CDH9: variants seen among roughly 807,000 people sequenced by gnomAD.
CDH9 encodes cadherin-9.
Under a neutral mutation model 70.9 loss-of-function variants are expected in CDH9, and 28 were observed. That is an observed-to-expected ratio of 0.40 (90% CI 0.29 to 0.54). The LOEUF (loss-of-function observed/expected upper bound fraction) is 0.54. Among genes scored for constraint, CDH9 ranks in the 20% least tolerant of loss-of-function variants. The probability of loss-of-function intolerance (pLI) is 0.59; values close to 1 mark genes in which losing one functional copy is unlikely to be tolerated. For synonymous variants in CDH9, 409 were observed against 343.1 expected, an observed-to-expected ratio of 1.19 and a Z score of -2.12; for missense variants, 874 against 984.4, an observed-to-expected ratio of 0.89 and a Z score of 1.50.
chr5:26,886,938 C>T (rs532212124), intron 9 of CDH9, among the ~76,000 whole-genome samples: 2 of 152,246 alleles, frequency 1.3e-5, no homozygotes, highest in South Asian at 2.1e-4. Context: ...TTTTAACGTT[C>T]TCTTCTACAA....
chr5:27,018,224 A>T (rs1743078993), intron 1 of CDH9, among the ~76,000 whole-genome samples: 1 of 151,992 alleles, frequency 6.6e-6, no homozygotes, highest in East Asian at 1.9e-4. Flanking sequence ...TTAAGCTCCT[A>T]TTTACATATG....
chr5:26,996,104 A>C (rs893453177), intron 1 of CDH9, among the ~76,000 whole-genome samples: 3 of 152,010 alleles, frequency 2.0e-5, no homozygotes, highest in African/African-American at 7.2e-5. Context: ...CTATACCTAC[A>C]CATATACACT....
chr5:26,978,582 C>CTT (rs35408093), intron 2 of CDH9, among the ~76,000 whole-genome samples: 19 of 150,098 alleles, frequency 1.3e-4, no homozygotes, highest in African/African-American at 3.4e-4. Context: ...ACAAAAATAA[C>CTT]TTTTTTTTTA....
At chr5:27,017,389 A>G (rs1412006348) in intron 1 of CDH9, among the ~76,000 whole-genome samples, 1 of 151,862 alleles carries the variant, frequency 6.6e-6, no homozygotes, top group Non-Finnish European at 1.5e-5. Context: ...AAAAATGTTC[A>G]AAGGGATTGC....
chr5:26,900,920 G>C (rs1049686436), intron 7 of CDH9, among the ~76,000 whole-genome samples: 1 of 151,848 alleles, frequency 6.6e-6, no homozygotes, highest in African/African-American at 2.4e-5. Flanking sequence ...TTCCATTTCA[G>C]TACTGCAGAA....
intron 7 of CDH9, among the ~76,000 whole-genome samples, chr5:26,898,269 A>G (rs1435310374): frequency 6.6e-6 from 1 of 152,170 alleles, no homozygotes; most frequent in Non-Finnish European, 1.5e-5. Flanking sequence ...TGTAGATTCA[A>G]TGCTATCCCC....
chr5:27,029,565 C>T (rs1379312058), intron 1 of CDH9, among the ~76,000 whole-genome samples: 1 of 151,970 alleles, frequency 6.6e-6, no homozygotes, highest in Non-Finnish European at 1.5e-5. Context: ...AGGTGCTCTT[C>T]CCAGCGCAGC....
At chr5:26,942,786 A>G (rs1387769054) in intron 2 of CDH9, among the ~76,000 whole-genome samples, 1 of 152,182 alleles carries the variant, frequency 6.6e-6, no homozygotes, top group Non-Finnish European at 1.5e-5. Context: ...ATAACCTCAC[A>G]TAAATGATCT....
At chr5:26,999,572 C>A (rs1742728479) in intron 1 of CDH9, among the ~76,000 whole-genome samples, 2 of 152,038 alleles carry the variant, frequency 1.3e-5, no homozygotes, top group Non-Finnish European at 2.9e-5. Flanking sequence ...GAATTAGACC[C>A]ACACAAATAC....
chr5:26,986,256 G>A (rs1257473332), intron 2 of CDH9, among the ~76,000 whole-genome samples: 3 of 151,734 alleles, frequency 2.0e-5, no homozygotes, highest in Non-Finnish European at 4.4e-5. Flanking sequence ...TCATAACCCC[G>A]TTGTCAAGAA....
At chr5:26,947,682 C>G (rs1432434836) in intron 2 of CDH9, among the ~76,000 whole-genome samples, 1 of 152,084 alleles carries the variant, frequency 6.6e-6, no homozygotes, top group South Asian at 2.1e-4. Flanking sequence ...CACCGTGAAG[C>G]TCTATTACGA....
At chr5:27,018,441 A>T (rs1191054543) in intron 1 of CDH9, among the ~76,000 whole-genome samples, 1 of 151,874 alleles carries the variant, frequency 6.6e-6, no homozygotes, top group Non-Finnish European at 1.5e-5. Context: ...ATTAACAAAA[A>T]GTACAGCATT....
chr5:26,995,214 T>C (rs1037541488), intron 1 of CDH9, among the ~76,000 whole-genome samples: 2 of 152,212 alleles, frequency 1.3e-5, no homozygotes, highest in Non-Finnish European at 2.9e-5. Context: ...AATTGGTTAA[T>C]TCATTAATGC....
At chr5:26,899,244 T>C (rs1023562876) in intron 7 of CDH9, among the ~76,000 whole-genome samples, 3 of 152,136 alleles carry the variant, frequency 2.0e-5, no homozygotes, top group Admixed American at 6.6e-5. Context: ...AGTTCAACCA[T>C]TGTAGAAGAC....
At chr5:26,943,304 G>A (rs1031801008) in intron 2 of CDH9, among the ~76,000 whole-genome samples, 2 of 152,030 alleles carry the variant, frequency 1.3e-5, no homozygotes, top group African/African-American at 2.4e-5. Flanking sequence ...CTGAGGTCGG[G>A]AGTTTGAGAC....
At chr5:26,894,421 C>T (rs1015684623) in intron 7 of CDH9, among the ~76,000 whole-genome samples, 7 of 152,110 alleles carry the variant, frequency 4.6e-5, no homozygotes, top group Admixed American at 2.0e-4. Flanking sequence ...TTCTGGCCAC[C>T]TTACTCTTAG....
intron 1 of CDH9, among the ~76,000 whole-genome samples, chr5:27,011,390 G>A (rs2112115452): frequency 6.6e-6 from 1 of 152,166 alleles, no homozygotes; most frequent in East Asian, 1.9e-4. Context: ...GAGCAGAAGA[G>A]ACACAGACAG....
intron 5 of CDH9, among the ~76,000 whole-genome samples, chr5:26,905,629 A>T (rs940500484): frequency 6.6e-6 from 1 of 152,130 alleles, no homozygotes; most frequent in African/African-American, 2.4e-5. Flanking sequence ...GATCCAAAGG[A>T]AAATGTTGAG....
chr5:26,892,526 C>A (rs1298521194), intron 7 of CDH9, among the ~76,000 whole-genome samples: 1 of 152,204 alleles, frequency 6.6e-6, no homozygotes, highest in Admixed American at 6.5e-5. Context: ...TAATCAGCCT[C>A]TGCTGTAGTC....
Sources: allele counts gnomAD v4.1 joint callset (sites outside exome capture counted in the v4.1 genomes callset), GRCh38; gene constraint gnomAD v4.1.1; transcripts MANE v1.5; gene names NCBI Gene and HGNC (gene_info 2026-07-23, HGNC 2026-07-21).